The following OPHN1 variants were observed in gnomAD, a reference collection of about 807,000 sequenced individuals.
OPHN1 encodes oligophrenin 1.
Under a neutral mutation model 60.7 loss-of-function variants are expected in OPHN1, and 11 were observed. The ratio of observed to expected loss-of-function variants is 0.18; its 90% CI spans 0.11 to 0.30. OPHN1 has a LOEUF of 0.30. OPHN1 is among the 10% of genes least tolerant of loss of function. OPHN1 has a pLI of 1.00. For synonymous variants in OPHN1, 226 were observed against 222.6 expected (o/e 1.02, Z -0.14); for missense variants, 449 against 611.0 (o/e 0.73, Z 2.80).
intron 6 of OPHN1, among the ~76,000 whole-genome samples, chrX:68,229,446 C>T (rs111655984): frequency 4.5e-5 from 5 of 111,840 alleles, no homozygotes; most frequent in African/African-American, 1.6e-4. Flanking sequence ...AAAGAGCCCA[C>T]ATTGCCAAGA....
chrX:68,049,533 C>T (rs765438291), intron 23 of OPHN1, among the ~76,000 whole-genome samples: 1 of 111,651 alleles, frequency 9.0e-6, no homozygotes, highest in Non-Finnish European at 1.9e-5. Context: ...CCAGGGCTTC[C>T]CCAACTCTTG....
Position 68,157,558 on chromosome X carries a change from T to C in OPHN1, c.1276+35361A>G, listed in dbSNP as rs761736700. On this transcript the variant is annotated intron_variant, in intron 15 of 24. Transcript: ENST00000355520. ...CACCTGGACATAAACATGGGCCCAA[T>C]AGACACTGAAGACTATTAGACGGGG... Among the ~76,000 whole-genome samples the C allele has an allele frequency of 5.4e-5, 6 of 111,003 alleles. No homozygotes were observed. In the South Asian group the frequency reaches 1.9e-3, roughly 36 times the overall value.
At chrX:68,059,785 G>A (rs2076886506) in intron 21 of OPHN1, among the ~76,000 whole-genome samples, 1 of 111,224 alleles carries the variant, frequency 9.0e-6, no homozygotes, top group African/African-American at 3.3e-5. Context: ...GAGCTAAGAA[G>A]GGCCCCTCAA....
chrX:68,328,765 A>G (rs1353620968), intron 2 of OPHN1, among the ~76,000 whole-genome samples: 1 of 112,172 alleles, frequency 8.9e-6, no homozygotes, highest in Non-Finnish European at 1.9e-5. Context: ...CAAATACTAC[A>G]AAAATAAGCA....
At position 68,318,176 on chromosome X, in the gene OPHN1, A is replaced by AC. The variant is rs760091616; in HGVS notation, c.155-19081dup. Among the ~76,000 whole-genome samples the AC allele has an allele frequency of 5.1e-3, 568 of 111,712 alleles. 5 individuals are homozygous for AC. Among genetic ancestry groups the AC allele is most frequent in the African/African-American group, 0.017 (537 of 30,790 alleles). On this transcript the variant is annotated intron_variant, in intron 2 of 24. Coordinates refer to ENST00000355520, the MANE Select transcript of OPHN1 (RefSeq NM_002547.3). ...AAAAACACAATACCATTTACAATGA[A>AC]CCCCCCCAAAAAACAAGTACATGTA... is the stretch of plus-strand genomic sequence containing the variant.
chrX:68,324,613 CAA>C (rs200346198), intron 2 of OPHN1, among the ~76,000 whole-genome samples: 5 of 65,182 alleles, frequency 7.7e-5, no homozygotes, highest in Admixed American at 1.8e-4. Context: ...TACCTTTTCT[CAA>C]AAAAAAAAAA....
chrX:68,332,647 A>T (rs901247639), intron 2 of OPHN1, among the ~76,000 whole-genome samples: 5 of 111,647 alleles, frequency 4.5e-5, no homozygotes, highest in African/African-American at 1.6e-4. Context: ...CTGATTCCCA[A>T]GGGAAAACTC....
At chrX:68,356,128 C>T (rs7890843) in intron 2 of OPHN1, among the ~76,000 whole-genome samples, 1 of 110,110 alleles carries the variant, frequency 9.1e-6, no homozygotes. Context: ...TGTGGTCAAA[C>T]GTTATTCTGG....
chrX:68,145,289 C>T (rs1258813768), intron 15 of OPHN1, among the ~76,000 whole-genome samples: 1 of 111,650 alleles, frequency 9.0e-6, no homozygotes, highest in Non-Finnish European at 1.9e-5. Flanking sequence ...TCATTCATAT[C>T]ACCTATCACA....
At chrX:68,265,670 T>A (rs747469773) in intron 5 of OPHN1, among the ~76,000 whole-genome samples, 81 of 111,667 alleles carry the variant, frequency 7.3e-4, no homozygotes, top group African/African-American at 2.6e-3. Flanking sequence ...AGAACAAAGA[T>A]GGATGAAGAA....
intron 4 of OPHN1, 76 bp from the exon 5 acceptor site, chrX:68,274,885 T>C: frequency 1.3e-6 from 1 of 744,830 alleles, no homozygotes; most frequent in Non-Finnish European, 2.0e-6. Flanking sequence ...TGTTACTACA[T>C]TTTCATTTAT....
chrX:68,133,825 T>A (rs1362158769), intron 15 of OPHN1, among the ~76,000 whole-genome samples: 1 of 110,615 alleles, frequency 9.0e-6, no homozygotes, highest in Non-Finnish European at 1.9e-5. Flanking sequence ...TATAGTGCAA[T>A]TTTTTTTTGA....
chrX:68,134,147 C>A (rs2077209547), intron 15 of OPHN1, among the ~76,000 whole-genome samples: 2 of 109,867 alleles, frequency 1.8e-5, no homozygotes, highest in Admixed American at 2.0e-4. Flanking sequence ...TGTACTCCAG[C>A]CTGGGTGACA....
intron 19 of OPHN1, among the ~76,000 whole-genome samples, chrX:68,083,550 G>C (rs1029780130): frequency 8.9e-6 from 1 of 111,755 alleles, no homozygotes; most frequent in Admixed American, 9.5e-5. Flanking sequence ...AGGCTATTTT[G>C]GTTTCTTATC....
chrX:68,093,770 G>A (rs763421117), intron 19 of OPHN1, among the ~76,000 whole-genome samples: 73 of 110,654 alleles, frequency 6.6e-4, no homozygotes, highest in African/African-American at 1.4e-3. Flanking sequence ...GAATTTTTGT[G>A]CTGTTGAGCT....
rs149179913 is a variant in OPHN1 at position 68,342,262 on chromosome X, C to T, written c.155-43166G>A. ...CTTGGATTACAGGTGTGTGCTACCACGCCCAGCCAAGAAAATATTTTAAAT... is the reference window on the plus strand; with the variant it reads ...CTTGGATTACAGGTGTGTGCTACCATGCCCAGCCAAGAAAATATTTTAAAT... On this transcript the variant is annotated intron_variant, in intron 2 of 24. Coordinates refer to ENST00000355520, the MANE Select transcript of OPHN1 (RefSeq NM_002547.3). Among the ~76,000 whole-genome samples, 153 of 111,447 alleles carry T rather than the reference C, an allele frequency of 1.4e-3. 1 individual carries two copies. The highest frequency in any genetic ancestry group is 4.8e-3 in the African/African-American group (148 of 30,742).
chrX:68,420,820 T>C (rs2078822866), intron 2 of OPHN1, among the ~76,000 whole-genome samples: 1 of 107,173 alleles, frequency 9.3e-6, no homozygotes, highest in African/African-American at 3.5e-5. Flanking sequence ...TTTTCTTTCT[T>C]TCACAAGCTG....
At chrX:68,178,641 T>C (rs2077424042) in intron 15 of OPHN1, among the ~76,000 whole-genome samples, 1 of 111,692 alleles carries the variant, frequency 9.0e-6, no homozygotes, top group Non-Finnish European at 1.9e-5. Context: ...TGACCTCAGG[T>C]GATCCACCCA....
chrX:68,224,072 G>A (rs1046888263), intron 6 of OPHN1, among the ~76,000 whole-genome samples: 47 of 111,503 alleles, frequency 4.2e-4, no homozygotes, highest in African/African-American at 1.4e-3. Flanking sequence ...TATGGACATT[G>A]TTGACCTGAA....
Sources: allele counts gnomAD v4.1 joint callset (sites outside exome capture counted in the v4.1 genomes callset), GRCh38; gene constraint gnomAD v4.1.1; transcripts MANE v1.5; gene names NCBI Gene and HGNC (gene_info 2026-07-23, HGNC 2026-07-21).